TRPC5: variants seen among roughly 807,000 people sequenced by gnomAD.
The protein encoded by TRPC5 is transient receptor potential cation channel subfamily C member 5, also known as short transient receptor potential channel 5.
In TRPC5, 9 loss-of-function variants were observed where a neutral mutation model predicts 56.5. The ratio of observed to expected loss-of-function variants is 0.16; its 90% CI spans 0.10 to 0.28. The LOEUF (loss-of-function observed/expected upper bound fraction) is 0.28, where lower values mean the gene tolerates loss of function less well. Among genes scored for constraint, TRPC5 ranks in the 10% least tolerant of loss-of-function variants. TRPC5 has a pLI of 1.00. For synonymous variants in TRPC5, 282 were observed against 278.5 expected (o/e 1.01, Z -0.13); for missense variants, 469 against 748.9 (o/e 0.63, Z 4.36).
chrX:111,996,809 TTTTTG>T (rs201035960), intron 1 of TRPC5, among the ~76,000 whole-genome samples: 1,481 of 111,422 alleles, frequency 0.013, 25 homozygotes, highest in African/African-American at 0.043. Flanking sequence ...ACCCCTGCTT[TTTTTG>T]TTTTGTTTTG....
At chrX:112,027,785 C>A (rs1015877488) in intron 1 of TRPC5, among the ~76,000 whole-genome samples, 2 of 112,060 alleles carry the variant, frequency 1.8e-5, no homozygotes, top group African/African-American at 6.5e-5. Flanking sequence ...CGTGAGCCAC[C>A]GCGCCTGGCC....
chrX:111,798,581 G>A (rs771008714), intron 7 of TRPC5, among the ~76,000 whole-genome samples: 1 of 111,490 alleles, frequency 9.0e-6, no homozygotes, highest in Non-Finnish European at 1.9e-5. Context: ...GATATGTATC[G>A]TAGATTGAGG....
intron 7 of TRPC5, among the ~76,000 whole-genome samples, chrX:111,808,487 C>G (rs1254034500): frequency 9.0e-6 from 1 of 111,032 alleles, no homozygotes; most frequent in Non-Finnish European, 1.9e-5. Flanking sequence ...GGCCAATGAC[C>G]CTTCAGTCAG....
At chrX:111,842,083 G>A (rs6642947) in intron 6 of TRPC5, among the ~76,000 whole-genome samples, 3 of 78,061 alleles carry the variant, frequency 3.8e-5, no homozygotes, top group African/African-American at 1.0e-4. Flanking sequence ...CTATCTATGT[G>A]TGTGTGTATA....
chrX:111,794,201 A>G (rs1045588975), intron 7 of TRPC5, among the ~76,000 whole-genome samples: 1 of 112,109 alleles, frequency 8.9e-6, no homozygotes, highest in Non-Finnish European at 1.9e-5. Context: ...TGTGAATTAT[A>G]TCTTAGTAAG....
intron 1 of TRPC5, among the ~76,000 whole-genome samples, chrX:112,015,911 A>T (rs776787562): frequency 9.0e-6 from 1 of 111,557 alleles, no homozygotes; most frequent in African/African-American, 3.3e-5. Context: ...CTTTGCCTCC[A>T]TCTCCCCCTG....
At chrX:111,785,110 C>A (rs968938342) in intron 7 of TRPC5, among the ~76,000 whole-genome samples, 1 of 112,529 alleles carries the variant, frequency 8.9e-6, no homozygotes, top group African/African-American at 3.2e-5. Context: ...CAGACTGCCT[C>A]CTCAAGTGGG....
In TRPC5 at chrX:111,912,377, G is replaced by C; in HGVS notation, c.814C>G (p.Arg272Gly). Residue 272 changes from arginine to glycine, a missense_variant, in exon 3 of 11, where the codon CGA becomes GGA. Around this residue, in one of 3 missense-constraint regions of TRPC5, gnomAD observed 157 missense variants for 360.0 expected, o/e 0.44. Coordinates refer to ENST00000262839, the MANE Select transcript of TRPC5 (RefSeq NM_012471.3). ...SRELEIILNH[R>G]DDHSEELDPQ... ...TCAAGCTCTTCACTGTGGTCATCTC[G>C]ATGGTTGAGGATGATCTCCAGTTCC... 8.3e-7 allele frequency: 1 copy of C among 1,211,221 alleles called. No homozygotes were observed. Among genetic ancestry groups the C allele is most frequent in the Non-Finnish European group, 1.1e-6 (1 of 895,450 alleles).
chrX:111,806,147 TAA>T (rs1334375001), intron 7 of TRPC5, among the ~76,000 whole-genome samples: 1 of 112,148 alleles, frequency 8.9e-6, no homozygotes, highest in African/African-American at 3.2e-5. Context: ...TACCTCTAAG[TAA>T]AAGAGTAATT....
chrX:111,942,497 G>A (rs998167182), intron 2 of TRPC5, among the ~76,000 whole-genome samples: 5 of 111,450 alleles, frequency 4.5e-5, no homozygotes, highest in African/African-American at 1.6e-4. Flanking sequence ...AGCTTGGGGG[G>A]CAGGAGGTAT....
intron 2 of TRPC5, among the ~76,000 whole-genome samples, chrX:111,944,323 A>G (rs1489832196): frequency 9.3e-6 from 1 of 107,733 alleles, no homozygotes; most frequent in Non-Finnish European, 1.9e-5. Context: ...AGAGAGAGAG[A>G]GAGAGAGAGA....
chrX:111,930,308 C>T (rs749232036), intron 2 of TRPC5, among the ~76,000 whole-genome samples: 5 of 110,965 alleles, frequency 4.5e-5, no homozygotes, highest in Non-Finnish European at 9.4e-5. Context: ...ATTAGCCCTT[C>T]TTGAGAAAAG....
At chrX:111,790,684 C>A (rs1175507396) in intron 7 of TRPC5, among the ~76,000 whole-genome samples, 2 of 110,929 alleles carry the variant, frequency 1.8e-5, no homozygotes, top group Admixed American at 1.9e-4. Context: ...CAAGGTCCTG[C>A]CACCTTCTAG....
At chrX:112,079,140 T>C (rs1468586624) in intron 1 of TRPC5, among the ~76,000 whole-genome samples, 3 of 111,989 alleles carry the variant, frequency 2.7e-5, no homozygotes, top group Non-Finnish European at 5.6e-5. Context: ...CCTTATATTC[T>C]TCATCAGTTA....
At chrX:112,070,780 C>T (rs1328274817) in intron 1 of TRPC5, among the ~76,000 whole-genome samples, 2 of 108,690 alleles carry the variant, frequency 1.8e-5, no homozygotes, top group Non-Finnish European at 1.9e-5. Flanking sequence ...CTCCTCCATC[C>T]TCAAATCCAC....
At chrX:111,955,365 T>A (rs982060046) in intron 1 of TRPC5, among the ~76,000 whole-genome samples, 1 of 111,784 alleles carries the variant, frequency 8.9e-6, no homozygotes, top group East Asian at 2.8e-4. Flanking sequence ...AAACTAGTAA[T>A]ATATTAACAT....
Position 111,782,068 on chromosome X carries a change from G to A in TRPC5, c.1967C>T (p.Thr656Ile). The A allele has an allele frequency of 8.3e-7, 1 of 1,210,716 alleles. No individual in the cohort carries two copies. Among genetic ancestry groups the A allele is most frequent in the Non-Finnish European group, 1.1e-6 (1 of 894,688 alleles). The stretch of plus-strand genomic sequence containing the variant: ...GATGATGTTGAAAGGAGGTGGCAAG[G>A]TGCCACCTTCATCAAAGTAACTCAT... ...LWMSYFDEGGTLPPPFNIIPS... is the reference protein window; with the variant it reads ...LWMSYFDEGGILPPPFNIIPS... Residue 656 changes from threonine to isoleucine, a missense_variant, in exon 8 of 11, where the codon ACC becomes ATC. By Grantham distance (89) the Thr-to-Ile change is moderately conservative. Around this residue, in one of 3 missense-constraint regions of TRPC5, gnomAD observed 157 missense variants for 360.0 expected, o/e 0.44. Coordinates refer to ENST00000262839, the MANE Select transcript of TRPC5 (RefSeq NM_012471.3).
At chrX:111,867,414 G>C (rs902672561) in intron 3 of TRPC5, among the ~76,000 whole-genome samples, 1 of 111,895 alleles carries the variant, frequency 8.9e-6, no homozygotes, top group Non-Finnish European at 1.9e-5. Context: ...CTAAGAAAAG[G>C]CTGCGGTGAA....
intron 1 of TRPC5, among the ~76,000 whole-genome samples, chrX:112,038,545 C>G (rs1929808824): frequency 8.9e-6 from 1 of 112,429 alleles, no homozygotes; most frequent in Non-Finnish European, 1.9e-5. Flanking sequence ...TTTTAACATC[C>G]ACTGACTAGC....
Sources: gnomAD v4.1 joint callset for allele counts (sites outside exome capture counted in the v4.1 genomes callset) on GRCh38, gnomAD v4.1.1 for gene constraint, gnomAD v4.1.1 regional missense constraint, MANE v1.5 for transcripts, NCBI Gene and HGNC (gene_info 2026-07-23, HGNC 2026-07-21) for gene names.